AGBL1: variants seen among roughly 807,000 people sequenced by gnomAD.
AGBL1 encodes AGBL carboxypeptidase 1.
A neutral mutation model predicts 118.9 loss-of-function variants in AGBL1; 130 were observed. That is an observed-to-expected ratio of 1.09 (90% CI 0.95 to 1.26). The LOEUF is 1.26. AGBL1 is among the 50% of genes most tolerant of loss of function. The pLI, the probability that AGBL1 is intolerant of heterozygous loss-of-function variation, is 0.00. For missense variants in AGBL1, 1,584 were observed against 1,298.1 expected, an observed-to-expected ratio of 1.22 and a Z score of -3.38; for synonymous variants, 555 against 478.9, an observed-to-expected ratio of 1.16 and a Z score of -2.08.
chr15:86,810,662 C>G (rs897891204), intron 22 of AGBL1, among the ~76,000 whole-genome samples: 1 of 152,170 alleles, frequency 6.6e-6, no homozygotes, highest in African/African-American at 2.4e-5. Context: ...AGAGTTCTCT[C>G]TGTACTGAAG....
intron 22 of AGBL1, among the ~76,000 whole-genome samples, chr15:86,897,554 T>C (rs936046251): frequency 7.9e-5 from 12 of 152,062 alleles, no homozygotes; most frequent in Admixed American, 7.2e-4. Context: ...TTTTCAATGT[T>C]TCTTTCATAT....
chr15:86,349,694 T>C (rs758215675), intron 17 of AGBL1, among the ~76,000 whole-genome samples: 2 of 152,234 alleles, frequency 1.3e-5, no homozygotes, highest in Non-Finnish European at 2.9e-5. Context: ...GAGCATATTC[T>C]GAGGTCTTGA....
Position 86,634,344 on chromosome 15 carries a change from C to T in AGBL1, c.2995-39929C>T, listed in dbSNP as rs145347347. Among the ~76,000 whole-genome samples, 259 of 152,204 alleles carry T rather than the reference C, an allele frequency of 1.7e-3. 4 individuals carry two copies. The East Asian group carries it at 0.021, about 12-fold the overall frequency. On this transcript the variant is annotated intron_variant, in intron 21 of 22. Transcript: ENST00000614907. ...CGGATAACTGATGAAAGAATAAACA[C>T]AATGTGGTATTTCCATAGGGTGGAT...
At chr15:86,192,507 G>T (rs1351245618) in intron 5 of AGBL1, among the ~76,000 whole-genome samples, 1 of 151,984 alleles carries the variant, frequency 6.6e-6, no homozygotes, top group Non-Finnish European at 1.5e-5. Flanking sequence ...TATCGAGGCT[G>T]TGATTAAACA....
At chr15:86,165,062 T>A (rs965862057) in intron 5 of AGBL1, among the ~76,000 whole-genome samples, 1 of 152,110 alleles carries the variant, frequency 6.6e-6, no homozygotes, top group African/African-American at 2.4e-5. Context: ...TCTCATGTTA[T>A]GAGATTGTGG....
intron 23 of AGBL1, among the ~76,000 whole-genome samples, chr15:86,963,502 T>A: frequency 6.6e-6 from 1 of 152,036 alleles, no homozygotes; most frequent in East Asian, 1.9e-4. Flanking sequence ...CTGGATGAAT[T>A]ATAAACAATC....
At chr15:86,870,541 C>T (rs1363892204) in intron 22 of AGBL1, among the ~76,000 whole-genome samples, 6 of 117,370 alleles carry the variant, frequency 5.1e-5, no homozygotes, top group Admixed American at 3.8e-4. Context: ...GGCATTTAAA[C>T]ATTGCTTGTG....
chr15:86,867,141 C>T (rs1275574146), intron 22 of AGBL1, among the ~76,000 whole-genome samples: 3 of 152,028 alleles, frequency 2.0e-5, no homozygotes, highest in African/African-American at 7.2e-5. Context: ...GCTGTCAGGA[C>T]TTAAGCTTTA....
chr15:86,210,756 C>T (rs186040537), intron 5 of AGBL1, among the ~76,000 whole-genome samples: 45 of 152,226 alleles, frequency 3.0e-4, no homozygotes, highest in East Asian at 1.4e-3. Context: ...GAGATGGGTT[C>T]GAACATCCTC....
intron 21 of AGBL1, among the ~76,000 whole-genome samples, chr15:86,666,279 A>G (rs1360662383): frequency 2.0e-5 from 3 of 152,044 alleles, no homozygotes; most frequent in African/African-American, 4.8e-5. Context: ...CAGATATTTT[A>G]TAGTTCTGTT....
chr15:86,466,150 G>A (rs1216077367), intron 18 of AGBL1, among the ~76,000 whole-genome samples: 1 of 152,170 alleles, frequency 6.6e-6, no homozygotes, highest in African/African-American at 2.4e-5. Flanking sequence ...CCGATATTTG[G>A]TCTTTTCACA....
At chr15:86,668,471 C>T (rs868371792) in intron 21 of AGBL1, among the ~76,000 whole-genome samples, 1 of 152,118 alleles carries the variant, frequency 6.6e-6, no homozygotes, top group Non-Finnish European at 1.5e-5. Context: ...CAAGAAATTT[C>T]CCAGATTTTT....
intron 19 of AGBL1, among the ~76,000 whole-genome samples, chr15:86,542,715 G>C (rs187406171): frequency 1.3e-5 from 2 of 152,168 alleles, no homozygotes; most frequent in African/African-American, 2.4e-5. Flanking sequence ...CTAGAGTACA[G>C]AGGCCAAGTG....
chr15:86,225,890 A>G (rs1164277471), intron 6 of AGBL1, among the ~76,000 whole-genome samples: 2 of 152,176 alleles, frequency 1.3e-5, no homozygotes, highest in African/African-American at 2.4e-5. Flanking sequence ...AAAGAGCCAA[A>G]TCACATGCTG....
At chr15:86,792,098 A>G (rs1047689810) in intron 22 of AGBL1, among the ~76,000 whole-genome samples, 4 of 152,148 alleles carry the variant, frequency 2.6e-5, no homozygotes, top group Non-Finnish European at 5.9e-5. Context: ...TAAGTTTAAC[A>G]TTGTATGATT....
chr15:86,980,109 C>A (rs979062342), intron 23 of AGBL1, among the ~76,000 whole-genome samples: 14 of 152,076 alleles, frequency 9.2e-5, no homozygotes, highest in African/African-American at 3.4e-4. Context: ...ATTTTAACCT[C>A]AATCCTGAAT....
intron 1 of AGBL1, 98 bp downstream of exon 1, chr15:86,080,121 C>A: frequency 1.0e-6 from 1 of 972,368 alleles, no homozygotes; most frequent in Non-Finnish European, 1.3e-6. Flanking sequence ...CTGGCAGTCA[C>A]TGGCCCAGTT....
chr15:86,765,829 C>G (rs1425709115), intron 22 of AGBL1, among the ~76,000 whole-genome samples: 1 of 151,798 alleles, frequency 6.6e-6, no homozygotes, highest in South Asian at 2.1e-4. Context: ...TAAAACACAA[C>G]AGGATTATAG....
rs115743535 is a variant in AGBL1 at position 86,735,888 on chromosome 15, G to C, written c.3158+61452G>C. Among the ~76,000 whole-genome samples, 1,141 of 152,190 alleles carry C rather than the reference G, an allele frequency of 7.5e-3. 5 individuals carry two copies. The highest frequency in any genetic ancestry group is 0.024 in the African/African-American group (976 of 41,508). ...GTGTGGCTGCTAGAATTTCAATAAA[G>C]TAGAAATGAGATACGACTTTTATGC... On this transcript the variant is annotated intron_variant, in intron 22 of 22. Coordinates refer to ENST00000614907, the MANE Select transcript of AGBL1 (RefSeq NM_001386094.1).
Sources: gnomAD v4.1 joint callset for allele counts (sites outside exome capture counted in the v4.1 genomes callset) on GRCh38, gnomAD v4.1.1 for gene constraint, MANE v1.5 for transcripts, NCBI Gene and HGNC (gene_info 2026-07-23, HGNC 2026-07-21) for gene names.